The following ZFHX3 variants were observed in gnomAD, a reference collection of about 807,000 sequenced individuals.
ZFHX3 encodes the protein zinc finger homeobox 3, also known as zinc finger homeobox protein 3.
A neutral mutation model predicts 279.1 loss-of-function variants in ZFHX3; 42 were observed. That is an observed-to-expected ratio of 0.15 (90% CI 0.12 to 0.19). The LOEUF is 0.19. ZFHX3 is among the 10% of genes least tolerant of loss of function. The pLI is 1.00. For synonymous variants in ZFHX3, 2,293 were observed against 1,957.8 expected, an observed-to-expected ratio of 1.17 and a Z score of -4.52; for missense variants, 4,981 against 4,754.0, an observed-to-expected ratio of 1.05 and a Z score of -1.40.
chr16:73,193,913 G>C (rs757347440), intron 5 of ZFHX3, among the ~76,000 whole-genome samples: 1 of 152,232 alleles, frequency 6.6e-6, no homozygotes, highest in Non-Finnish European at 1.5e-5. Context: ...TCAAGATGTA[G>C]TGACAGTATA....
chr16:72,872,091 C>T (rs1597331439), intron 4 of ZFHX3, among the ~76,000 whole-genome samples: 2 of 96,416 alleles, frequency 2.1e-5, no homozygotes, highest in Non-Finnish European at 4.1e-5. Flanking sequence ...ACTCTGTCTC[C>T]AAAAACAAAA....
chr16:72,917,368 G>A (rs1478137182), intron 3 of ZFHX3, among the ~76,000 whole-genome samples: 2 of 152,162 alleles, frequency 1.3e-5, no homozygotes, highest in Admixed American at 1.3e-4. Context: ...CTGGGGGAAA[G>A]GTAGACAGTA....
At chr16:73,863,577 T>C (rs1019749825) in intron 1 of ZFHX3, among the ~76,000 whole-genome samples, 2 of 152,228 alleles carry the variant, frequency 1.3e-5, no homozygotes, top group Non-Finnish European at 2.9e-5. Flanking sequence ...ATGGTGACCA[T>C]CTGCTTAAGT....
chr16:73,786,376 T>G (rs553245029), intron 1 of ZFHX3, among the ~76,000 whole-genome samples: 94 of 152,290 alleles, frequency 6.2e-4, no homozygotes, highest in African/African-American at 2.2e-3. Context: ...CATTTTCTAT[T>G]GATTCATATT....
intron 4 of ZFHX3, among the ~76,000 whole-genome samples, chr16:72,882,956 T>C (rs971275266): frequency 6.8e-6 from 1 of 148,002 alleles, no homozygotes; most frequent in African/African-American, 2.5e-5. Context: ...AGTCAGATTT[T>C]TGGCCTTCAC....
At chr16:73,184,503 A>G (rs1361103370) in intron 5 of ZFHX3, among the ~76,000 whole-genome samples, 1 of 152,072 alleles carries the variant, frequency 6.6e-6, no homozygotes, top group Non-Finnish European at 1.5e-5. Flanking sequence ...GCCACTGCCC[A>G]AGTGGGGATT....
intron 7 of ZFHX3, among the ~76,000 whole-genome samples, chr16:73,108,011 A>C (rs969257129): frequency 8.5e-5 from 13 of 152,128 alleles, no homozygotes; most frequent in Non-Finnish European, 1.9e-4. Flanking sequence ...AATACAAAAA[A>C]TTAGCCAGGC....
intron 1 of ZFHX3, among the ~76,000 whole-genome samples, chr16:73,698,587 C>T (rs771392861): frequency 3.3e-5 from 5 of 152,196 alleles, no homozygotes; most frequent in South Asian, 2.1e-4. Context: ...GCTAAGAAGG[C>T]GCATCACCTC....
chr16:72,865,439 T>C (rs1413501371), intron 4 of ZFHX3, among the ~76,000 whole-genome samples: 1 of 152,188 alleles, frequency 6.6e-6, no homozygotes, highest in Non-Finnish European at 1.5e-5. Flanking sequence ...CTGGGCCATA[T>C]CAGGCATTTG....
intron 3 of ZFHX3, among the ~76,000 whole-genome samples, chr16:73,392,418 C>CAAAAAAAAAAAAAAAAAA (rs35019692): frequency 2.8e-4 from 10 of 35,798 alleles, no homozygotes; most frequent in Non-Finnish European, 4.4e-4. Flanking sequence ...GACCCTGTCT[C>CAAAAAAAAAAAAAAAAAA]AAAAAAAAAA....
At chr16:73,075,390 A>C (rs1965876613) in intron 8 of ZFHX3, among the ~76,000 whole-genome samples, 1 of 152,106 alleles carries the variant, frequency 6.6e-6, no homozygotes, top group Non-Finnish European at 1.5e-5. Flanking sequence ...GCTGGGCTAG[A>C]ATGGCGTAAC....
At chr16:73,127,295 G>A in intron 7 of ZFHX3, 1 of 1,268,854 alleles carries the variant, frequency 7.9e-7, no homozygotes, top group South Asian at 1.3e-5. Context: ...AGGCAGAGAA[G>A]AGGGAAGAAG....
rs775906115 is a variant in ZFHX3 at position 72,959,610 on chromosome 16, C to T, written c.536G>A (p.Gly179Asp). The T allele has an allele frequency of 1.4e-5, 23 of 1,613,952 alleles. No homozygotes were observed. The South Asian group carries it at 2.0e-4, about 14-fold the overall frequency. Reference protein sequence around the residue: ...LFLNSLPGAGGKQGDPSCAAP... With the variant: ...LFLNSLPGAGDKQGDPSCAAP... ...AGCACACGAAGGGTCCCCTTGCTTG[C>T]CCCCCGCGCCAGGGAGAGAGTTCAG... Residue 179 changes from glycine to aspartate, a missense_variant, in exon 2 of 10, where the codon GGC (glycine) becomes GAC (aspartate). Physicochemically the swap from Gly to Asp is moderately conservative, Grantham distance 94. Transcript: ENST00000268489.
chr16:73,816,716 G>A (rs113049673), intron 1 of ZFHX3, among the ~76,000 whole-genome samples: 1,891 of 152,254 alleles, frequency 0.012, 16 homozygotes, highest in Non-Finnish European at 0.021. Context: ...CAGAGAGAAA[G>A]GATTGGGCAA....
intron 2 of ZFHX3, among the ~76,000 whole-genome samples, chr16:73,502,114 GA>G (rs61410044): frequency 2.6e-5 from 4 of 151,692 alleles, no homozygotes; most frequent in Admixed American, 1.3e-4. Context: ...GGGGGTGGGG[GA>G]AAAAAAGCCC....
intron 1 of ZFHX3, among the ~76,000 whole-genome samples, chr16:72,981,042 T>A (rs866209871): frequency 9.9e-5 from 15 of 152,130 alleles, no homozygotes; most frequent in South Asian, 2.1e-4. Flanking sequence ...CAGTCTTGAG[T>A]CAATACGTTC....
intron 2 of ZFHX3, among the ~76,000 whole-genome samples, chr16:73,573,460 C>T (rs551276529): frequency 1.3e-5 from 2 of 151,604 alleles, no homozygotes; most frequent in Non-Finnish European, 1.5e-5. Flanking sequence ...GGAGTTTTGC[C>T]TGCAAAAAAA....
At chr16:72,871,984 C>G (rs1567557389) in intron 4 of ZFHX3, among the ~76,000 whole-genome samples, 1 of 152,038 alleles carries the variant, frequency 6.6e-6, no homozygotes, top group Non-Finnish European at 1.5e-5. Context: ...ACTGGGGAGG[C>G]TGAGGCAGGA....
intron 1 of ZFHX3, among the ~76,000 whole-genome samples, chr16:73,887,757 AAAGT>A (rs2030395463): frequency 6.6e-6 from 1 of 152,058 alleles, no homozygotes; most frequent in Non-Finnish European, 1.5e-5. Flanking sequence ...TTTTGTTAAT[AAAGT>A]ATGTTGGGTA....
Sources: allele counts gnomAD v4.1 joint callset (sites outside exome capture counted in the v4.1 genomes callset), GRCh38; gene constraint gnomAD v4.1.1; transcripts MANE v1.5; gene names NCBI Gene and HGNC (gene_info 2026-07-23, HGNC 2026-07-21).